The following TOPAZ1 variants were observed in gnomAD, a reference collection of about 807,000 sequenced individuals.
TOPAZ1 encodes the protein testis and ovary specific TOPAZ 1, also known as protein TOPAZ1.
In TOPAZ1, 66 loss-of-function variants were observed where a neutral mutation model predicts 172.2. The ratio of observed to expected loss-of-function variants is 0.38; its 90% CI spans 0.31 to 0.47. The LOEUF (loss-of-function observed/expected upper bound fraction) is 0.47. Among genes scored for constraint, TOPAZ1 ranks in the 20% least tolerant of loss-of-function variants. The pLI is 0.99. For missense variants in TOPAZ1, 1,822 were observed against 1,972.4 expected (o/e 0.92, Z 1.44); for synonymous variants, 681 against 683.9 (o/e 1.00, Z 0.07).
intron 12 of TOPAZ1, among the ~76,000 whole-genome samples, chr3:44,298,909 ATTTTT>A (rs1220596657): frequency 0.013 from 555 of 41,268 alleles, 13 homozygotes; most frequent in South Asian, 0.021. Context: ...ATATATATAT[ATTTTT>A]TTTTTTTTTT....
chr3:44,280,311 T>C (rs1444740643), intron 8 of TOPAZ1, among the ~76,000 whole-genome samples: 1 of 151,606 alleles, frequency 6.6e-6, no homozygotes, highest in Non-Finnish European at 1.5e-5. Flanking sequence ...CCTTTCTTTT[T>C]TTTCCCTTTC....
At chr3:44,284,771 G>A (rs1359964323) in intron 9 of TOPAZ1, among the ~76,000 whole-genome samples, 1 of 152,178 alleles carries the variant, frequency 6.6e-6, no homozygotes, top group Non-Finnish European at 1.5e-5. Flanking sequence ...AATCAATGAA[G>A]TATAGCAATT....
chr3:44,255,446 A>G (rs1283792621), intron 3 of TOPAZ1, among the ~76,000 whole-genome samples: 1 of 151,862 alleles, frequency 6.6e-6, no homozygotes, highest in Non-Finnish European at 1.5e-5. Context: ...AGGTCAGGAG[A>G]TCGAGACCAT....
chr3:44,246,520 A>G (rs1575703835), intron 2 of TOPAZ1, among the ~76,000 whole-genome samples: 1 of 152,192 alleles, frequency 6.6e-6, no homozygotes, highest in Admixed American at 6.5e-5. Context: ...AATGCTGTCT[A>G]TGTGCCAAAT....
At chr3:44,305,771 G>A (rs570545234) in intron 14 of TOPAZ1, among the ~76,000 whole-genome samples, 1 of 152,066 alleles carries the variant, frequency 6.6e-6, no homozygotes, top group Non-Finnish European at 1.5e-5. Flanking sequence ...AATTAATGCA[G>A]GCTTTAGATA....
At chr3:44,249,341 T>C (rs1699603284) in intron 2 of TOPAZ1, among the ~76,000 whole-genome samples, 1 of 151,982 alleles carries the variant, frequency 6.6e-6, no homozygotes, top group South Asian at 2.1e-4. Context: ...ATGAAAGAAA[T>C]CTTGGAAAAG....
At chr3:44,258,227 TTTAG>T (rs2125681568) in intron 4 of TOPAZ1, among the ~76,000 whole-genome samples, 1 of 152,334 alleles carries the variant, frequency 6.6e-6, no homozygotes, top group African/African-American at 2.4e-5. Flanking sequence ...GCATCCCACT[TTTAG>T]TTGAGATAAA....
intron 18 of TOPAZ1, among the ~76,000 whole-genome samples, chr3:44,324,286 T>C (rs1389047667): frequency 6.6e-6 from 1 of 152,164 alleles, no homozygotes; most frequent in Non-Finnish European, 1.5e-5. Context: ...TGAGTTTTCT[T>C]AAAAAGGGTG....
chr3:44,302,010 A>C (rs1340912329), intron 12 of TOPAZ1, among the ~76,000 whole-genome samples: 1 of 152,264 alleles, frequency 6.6e-6, no homozygotes, highest in Middle Eastern at 3.4e-3. Context: ...TTTTACAGTT[A>C]GGTTTTTAAT....
At chr3:44,261,620 A>G (rs1699776421) in intron 4 of TOPAZ1, among the ~76,000 whole-genome samples, 2 of 152,082 alleles carry the variant, frequency 1.3e-5, no homozygotes, top group South Asian at 4.1e-4. Flanking sequence ...TTTGCTTAGG[A>G]TTGCCTTGTC....
intron 16 of TOPAZ1, among the ~76,000 whole-genome samples, chr3:44,311,930 T>C (rs894433918): frequency 5.3e-5 from 8 of 152,196 alleles, no homozygotes; most frequent in African/African-American, 1.9e-4. Context: ...TCACAGAGGT[T>C]GTCTTTAGGA....
intron 8 of TOPAZ1, among the ~76,000 whole-genome samples, chr3:44,272,118 T>G (rs1559532887): frequency 6.6e-6 from 1 of 152,192 alleles, no homozygotes; most frequent in Non-Finnish European, 1.5e-5. Context: ...TGTGTATATA[T>G]ACCACATTTG....
chr3:44,310,871 C>T (rs1181435569), intron 16 of TOPAZ1, among the ~76,000 whole-genome samples: 1 of 152,158 alleles, frequency 6.6e-6, no homozygotes, highest in Non-Finnish European at 1.5e-5. Flanking sequence ...GCAGAAATTA[C>T]AGTGAAATTA....
At position 44,323,428 on chromosome 3, in the gene TOPAZ1, A is replaced by C. The variant is rs1700563123; in HGVS notation, c.4675+133A>C. The C allele has an allele frequency of 9.7e-6, 5 of 512,954 alleles. No individual in the cohort carries two copies. The East Asian group carries it at 1.7e-4, about 18-fold the overall frequency. The allele number at this position is 512,954 out of a possible 1,614,324, so 31.8% of individuals were successfully genotyped here. On this transcript the variant is annotated intron_variant, in intron 18 of 19. Transcript: ENST00000309765. ...ATACATATTCAAATGTAGTGGTCTC[A>C]ACAGATCTGTGCTCTCTTTTGAAAC... is the stretch of plus-strand genomic sequence containing the variant.
intron 12 of TOPAZ1, among the ~76,000 whole-genome samples, chr3:44,295,561 TTA>T (rs917229042): frequency 1.6e-4 from 25 of 152,180 alleles, no homozygotes; most frequent in Admixed American, 1.4e-3. Context: ...CATGCAAACA[TTA>T]GTTTTAAAAG....
At chr3:44,332,832 C>G (rs1424357412), downstream of TOPAZ1, among the ~76,000 whole-genome samples, 1 of 149,554 alleles carries the variant, frequency 6.7e-6, no homozygotes, top group Non-Finnish European at 1.5e-5. Context: ...AAGGGTCGTA[C>G]TCTGTGCCCA....
At chr3:44,299,212 T>C (rs564315463) in intron 12 of TOPAZ1, among the ~76,000 whole-genome samples, 1 of 151,864 alleles carries the variant, frequency 6.6e-6, no homozygotes, top group East Asian at 2.0e-4. Flanking sequence ...TGAGCCACCG[T>C]GCCCAGCTGA....
At chr3:44,260,066 T>C (rs982065114) in intron 4 of TOPAZ1, among the ~76,000 whole-genome samples, 5 of 152,196 alleles carry the variant, frequency 3.3e-5, no homozygotes, top group African/African-American at 4.8e-5. Flanking sequence ...TAGTTCCTCC[T>C]GCATTCATTC....
At chr3:44,269,622 C>T (rs1316590790) in intron 7 of TOPAZ1, among the ~76,000 whole-genome samples, 2 of 149,944 alleles carry the variant, frequency 1.3e-5, no homozygotes, top group African/African-American at 4.9e-5. Flanking sequence ...GGTTGTATTT[C>T]CCTATCCTTT....
Sources: allele counts gnomAD v4.1 joint callset (sites outside exome capture counted in the v4.1 genomes callset), GRCh38; gene constraint gnomAD v4.1.1; transcripts MANE v1.5; gene names NCBI Gene and HGNC (gene_info 2026-07-23, HGNC 2026-07-21).